Variants in TOR1AIP1 observed in about 807,000 individuals in gnomAD.
TOR1AIP1 encodes torsin 1A interacting protein 1.
A neutral mutation model predicts 63.3 loss-of-function variants in TOR1AIP1; 54 were observed. The ratio of observed to expected loss-of-function variants is 0.85; its 90% CI spans 0.69 to 1.07. The LOEUF (loss-of-function observed/expected upper bound fraction) is 1.07. Among genes scored for constraint, TOR1AIP1 ranks in the 50% least tolerant of loss-of-function variants. The pLI is 0.00. For missense variants in TOR1AIP1, 736 were observed against 715.0 expected, an observed-to-expected ratio of 1.03 and a Z score of -0.33; for synonymous variants, 294 against 273.5, an observed-to-expected ratio of 1.07 and a Z score of -0.74.
rs1425465064 is a variant in TOR1AIP1, at chr1:179,900,116, T to A, written c.611-10T>A. The A allele has an allele frequency of 4.4e-6, 7 of 1,602,632 alleles. No individual in the cohort carries two copies. Among genetic ancestry groups the A allele is most frequent in the Non-Finnish European group, 5.1e-6 (6 of 1,172,980 alleles). On this transcript the variant is annotated splice_polypyrimidine_tract_variant and intron_variant, in intron 3 of 9. Coordinates refer to ENST00000606911, the MANE Select transcript of TOR1AIP1 (RefSeq NM_015602.4). ...ATGTTTAATATTTGATGTATGCTTT[T>A]TTCTTCTAGAAGCCACCAGTGTCCA...
At chr1:179,899,737 C>T (rs1460113428) in intron 3 of TOR1AIP1, among the ~76,000 whole-genome samples, 1 of 152,142 alleles carries the variant, frequency 6.6e-6, no homozygotes, top group East Asian at 1.9e-4. Context: ...CTCTGCTTCC[C>T]AGGTTCAAAC....
intron 8 of TOR1AIP1, among the ~76,000 whole-genome samples, chr1:179,909,393 G>A (rs943431450): frequency 1.9e-4 from 3 of 15,388 alleles, no homozygotes; most frequent in African/African-American, 3.5e-4. Flanking sequence ...TTTTTGTTTT[G>A]TTTTGTTTTG....
Position 179,882,412 on chromosome 1 carries a change from A to C in TOR1AIP1, c.-91A>C. 7.7e-7 allele frequency: 1 copy of C among 1,291,312 alleles called. No homozygotes were observed. Among genetic ancestry groups the C allele is most frequent in the Non-Finnish European group, 1.0e-6 (1 of 993,738 alleles). The allele number at this position is 1,291,312 out of a possible 1,614,324, so 80.0% of individuals were successfully genotyped here. ...TCCCTGACCACAGCGGCCACCGCCC[A>C]ACACCCCCGAGAAGCCATCGCCACC... is the stretch of plus-strand genomic sequence containing the variant. On this transcript the variant is annotated 5_prime_UTR_variant, in exon 1 of 10. Coordinates refer to ENST00000606911, the MANE Select transcript of TOR1AIP1 (RefSeq NM_015602.4).
At chr1:179,883,595 C>G (rs896733954) in intron 1 of TOR1AIP1, 3 of 456,050 alleles carry the variant, frequency 6.6e-6, no homozygotes, top group African/African-American at 6.0e-5. Flanking sequence ...ATAACTTGAG[C>G]TGATTGCTGT....
rs187375692 is a variant in TOR1AIP1, at chr1:179,916,839, A to T, written c.965-613A>T. On this transcript the variant is annotated intron_variant, in intron 9 of 9. Coordinates refer to ENST00000606911, the MANE Select transcript of TOR1AIP1 (RefSeq NM_015602.4). Reference sequence around the variant, plus strand: ...CTGCCTCAGCCTCCCAAGTAGCTGGACTACAGGTGTGTGCCACCACACCCA... The same window carrying T: ...CTGCCTCAGCCTCCCAAGTAGCTGGTCTACAGGTGTGTGCCACCACACCCA... 5.3e-3 allele frequency among the ~76,000 whole-genome samples: 799 copies of T among 150,384 alleles called. 9 individuals are homozygous for T. The highest frequency in any genetic ancestry group is 0.021 in the South Asian group (100 of 4,740).
chr1:179,906,492 GTAATGTCAT>G (rs746366360), intron 6 of TOR1AIP1, among the ~76,000 whole-genome samples: 1 of 152,000 alleles, frequency 6.6e-6, no homozygotes, highest in Non-Finnish European at 1.5e-5. Context: ...TGTTATAATT[GTAATGTCAT>G]TTTTTAGTCA....
chr1:179,888,705 T>C (rs1647977913), intron 2 of TOR1AIP1, among the ~76,000 whole-genome samples: 1 of 152,168 alleles, frequency 6.6e-6, no homozygotes, highest in African/African-American at 2.4e-5. Context: ...TTATGTGAGG[T>C]ACTTGGAGAA....
intron 2 of TOR1AIP1, 34 bp from the exon 3 acceptor site, chr1:179,889,279 T>G (rs755169580): frequency 2.7e-6 from 4 of 1,496,312 alleles, no homozygotes; most frequent in Non-Finnish European, 3.7e-6. Flanking sequence ...ACATTTTATA[T>G]ATTTTTAAAT....
chr1:179,899,985 G>T, intron 3 of TOR1AIP1, 141 bp from the exon 4 acceptor site: 1 of 583,634 alleles, frequency 1.7e-6, no homozygotes, highest in Non-Finnish European at 3.0e-6. Context: ...TATTTAATGT[G>T]TCCTCATGTT....
At chr1:179,915,759 GA>G (rs997913091) in intron 9 of TOR1AIP1, among the ~76,000 whole-genome samples, 4 of 147,232 alleles carry the variant, frequency 2.7e-5, no homozygotes, top group Non-Finnish European at 4.5e-5. Context: ...CTCCATCTCA[GA>G]AAAAAAAAAG....
rs1207824517 is a variant in TOR1AIP1 at position 179,882,734 on chromosome 1, A to G, written c.232A>G (p.Arg78Gly). 6.2e-7 allele frequency: 1 copy of G among 1,613,904 alleles called. No individual in the cohort carries two copies. Among genetic ancestry groups the G allele is most frequent in the African/African-American group, 1.3e-5 (1 of 74,908 alleles). ...GDFEPLVAKE[R>G]SPVGKRTRLE... The stretch of plus-strand genomic sequence containing the variant: ...CTTCGAGCCCCTGGTGGCCAAAGAA[A>G]GGTCCCCGGTGGGAAAACGAACCCG... The change falls in exon 1 of 10, where the codon AGG becomes GGG. Residue 78 changes from arginine (R) to glycine (G), a missense_variant. Transcript: ENST00000606911.
At chr1:179,887,833 T>C (rs1360148144) in intron 2 of TOR1AIP1, 1 of 152,246 alleles carries the variant, frequency 6.6e-6, no homozygotes, top group African/African-American at 2.4e-5. Flanking sequence ...CTCTAGCTGC[T>C]GTAGTTAGAG....
Position 179,905,915 on chromosome 1 carries a change from T to C in TOR1AIP1, c.796+1893T>C, listed in dbSNP as rs61826287. 9.6e-3 allele frequency among the ~76,000 whole-genome samples: 1,469 copies of C among 152,258 alleles called. 13 individuals are homozygous for C. Among genetic ancestry groups the C allele is most frequent in the Middle Eastern group, 0.02 (6 of 294 alleles). On this transcript the variant is annotated intron_variant, in intron 6 of 9. Transcript: ENST00000606911. Reference sequence around the variant, plus strand: ...CGGCAGTGAACTGGGATTGCACCACTGCACTCCAGCCTGGGTGACAGGGCA... The same window carrying C: ...CGGCAGTGAACTGGGATTGCACCACCGCACTCCAGCCTGGGTGACAGGGCA...
chr1:179,906,855 A>G (rs1304354160), intron 6 of TOR1AIP1, among the ~76,000 whole-genome samples: 1 of 147,562 alleles, frequency 6.8e-6, no homozygotes, highest in East Asian at 2.0e-4. Flanking sequence ...CTTCTGCCTC[A>G]GCCTCCCGAG....
chr1:179,889,424 T>A, intron 3 of TOR1AIP1, 55 bp downstream of exon 3: 1 of 1,446,956 alleles, frequency 6.9e-7, no homozygotes, highest in Non-Finnish European at 9.6e-7. Context: ...GTTTTATTTT[T>A]AAATATGGTT....
At chr1:179,892,571 AC>A (rs1458317143) in intron 3 of TOR1AIP1, among the ~76,000 whole-genome samples, 6 of 151,952 alleles carry the variant, frequency 3.9e-5, no homozygotes, top group Admixed American at 2.0e-4. Context: ...CCCCGTCTCT[AC>A]TAAAAAGTAC....
chr1:179,885,898 A>C (rs1449589971), intron 2 of TOR1AIP1, among the ~76,000 whole-genome samples: 4 of 151,876 alleles, frequency 2.6e-5, no homozygotes, highest in Non-Finnish European at 4.4e-5. Flanking sequence ...CTGACACCAC[A>C]CCTGGCTAAT....
At chr1:179,887,333 A>C (rs941174599) in intron 2 of TOR1AIP1, among the ~76,000 whole-genome samples, 4 of 152,140 alleles carry the variant, frequency 2.6e-5, no homozygotes, top group African/African-American at 9.7e-5. Context: ...CGGGAGGCGG[A>C]GGTTGCAGTG....
chr1:179,903,319 A>G (rs1037668416), intron 5 of TOR1AIP1, among the ~76,000 whole-genome samples: 2 of 152,170 alleles, frequency 1.3e-5, no homozygotes, highest in Non-Finnish European at 2.9e-5. Context: ...CCCACTTGCA[A>G]TAAAAATTTA....
Sources: gnomAD v4.1 joint callset for allele counts (sites outside exome capture counted in the v4.1 genomes callset) on GRCh38, gnomAD v4.1.1 for gene constraint, MANE v1.5 for transcripts, NCBI Gene and HGNC (gene_info 2026-07-23, HGNC 2026-07-21) for gene names.